The following GOT1L1 variants were observed in gnomAD, a reference collection of about 807,000 sequenced individuals.
GOT1L1 encodes aspartate aminotransferase, cytoplasmic 2.
GOT1L1 carries 38 observed loss-of-function variants against 43.6 expected under a neutral mutation model. The ratio of observed to expected loss-of-function variants is 0.87; its 90% confidence interval spans 0.67 to 1.14. GOT1L1 has a LOEUF of 1.14. GOT1L1 is among the 50% of genes most tolerant of loss of function. GOT1L1 has a pLI of 0.00. For missense variants in GOT1L1, 482 were observed against 504.0 expected (o/e 0.96, Z 0.42); for synonymous variants, 183 against 187.2 (o/e 0.98, Z 0.18).
At position 37,939,255 on chromosome 8, in the gene GOT1L1, A is replaced by G. The variant is rs544476100; in HGVS notation, c.116-374T>C. Among the ~76,000 whole-genome samples the G allele has an allele frequency of 1.5e-3, 224 of 151,166 alleles. 1 individual carries two copies. Among genetic ancestry groups the G allele is most frequent in the Middle Eastern group, 6.8e-3 (2 of 292 alleles). Reference sequence around the variant, plus strand: ...CATGATGAAACCCTGTCTCTACAAAAAAATACAAAACAGCCAGACATGGTG... The same window carrying G: ...CATGATGAAACCCTGTCTCTACAAAGAAATACAAAACAGCCAGACATGGTG... On this transcript the variant is annotated intron_variant, in intron 1 of 8. Coordinates refer to ENST00000307599, the MANE Select transcript of GOT1L1 (RefSeq NM_152413.3).
rs561124331 is a variant in GOT1L1, at chr8:37,938,983, G to A, written c.116-102C>T. 4.9e-6 allele frequency: 5 copies of A among 1,026,634 alleles called. No individual in the cohort carries two copies. The South Asian group carries it at 5.5e-5, about 11-fold the overall frequency. 63.6% of individuals were successfully genotyped at this position (1,026,634 alleles called of 1,614,324 possible). On this transcript the variant is annotated intron_variant, in intron 1 of 8. Transcript: ENST00000307599. Reference sequence around the variant, plus strand: ...AACAAATCTCTCCTGGACTCCATGGGGCTGTGGGAAGGTGCCTGTGAAAAT... The same window carrying A: ...AACAAATCTCTCCTGGACTCCATGGAGCTGTGGGAAGGTGCCTGTGAAAAT...
chr8:37,934,380 C>A lies in GOT1L1; in HGVS notation c.1179G>T (p.Glu393Asp). Reference sequence around the variant, plus strand: ...TGAGGAGGACAGCCTCATTGATGCCCTCAGTGATGTAATTTATGTTGTTGG... The same window carrying A: ...TGAGGAGGACAGCCTCATTGATGCCATCAGTGATGTAATTTATGTTGTTGG... The part of the protein sequence containing the change: ...INANNINYIT[E>D]GINEAVLLTE... The change falls in exon 9 of 9, where the codon GAG (glutamate) becomes GAT (aspartate). Residue 393 changes from glutamate to aspartate, a missense_variant. Glu to Asp is a conservative substitution (Grantham distance 45). Coordinates refer to ENST00000307599, the MANE Select transcript of GOT1L1 (RefSeq NM_152413.3). The A allele has an allele frequency of 6.2e-7, 1 of 1,612,970 alleles. No individual in the cohort carries two copies. Among genetic ancestry groups the A allele is most frequent in the Non-Finnish European group, 8.5e-7 (1 of 1,178,990 alleles).
rs761443002 is a variant in GOT1L1, at chr8:37,939,920, T to C, written c.110A>G (p.Tyr37Cys). 1.4e-5 allele frequency: 23 copies of C among 1,612,914 alleles called. No homozygotes were observed. In the East Asian group the frequency reaches 4.0e-4, roughly 28 times the overall value. Residue 37 changes from tyrosine (Y) to cysteine (C), a missense_variant, in exon 1 of 9, where the codon TAT becomes TGT. Physicochemically the swap from Tyr to Cys is radical, Grantham distance 194. Coordinates refer to ENST00000307599, the MANE Select transcript of GOT1L1 (RefSeq NM_152413.3). ...DDYPNKIFLA[Y>C]RVCMTNEGHP... ...CAGAACTGCTAGGCATCTACCTCTA[T>C]AGGCTAAGAATATCTTGTTCGGGTA...
rs776658122 is a variant in GOT1L1 at position 37,938,652 on chromosome 8, C to A, written c.297+48G>T. Reference sequence around the variant, plus strand: ...GGTTTAAGGTTGTGCAGACCCAGATCGCCACTCTCTGTGTCTAAATGAGCC... The same window carrying A: ...GGTTTAAGGTTGTGCAGACCCAGATAGCCACTCTCTGTGTCTAAATGAGCC... On this transcript the variant is annotated intron_variant, in intron 2 of 8. Coordinates refer to ENST00000307599, the MANE Select transcript of GOT1L1 (RefSeq NM_152413.3). The A allele has an allele frequency of 4.7e-6, 7 of 1,492,578 alleles. No individual in the cohort carries two copies. The Admixed American group carries it at 1.3e-4, about 27-fold the overall frequency. 92.5% of individuals were successfully genotyped at this position (1,492,578 alleles called of 1,614,324 possible).
intron 8 of GOT1L1, 21 bp from the exon 9 acceptor site, chr8:37,934,507 C>G: frequency 6.3e-7 from 1 of 1,587,508 alleles, no homozygotes; most frequent in Non-Finnish European, 8.6e-7. Context: ...GACAAGGTCT[C>G]AGATCTCGAG....
At chr8:37,934,547 A>G in intron 8 of GOT1L1, 61 bp from the exon 9 acceptor site, 1 of 1,210,686 alleles carries the variant, frequency 8.3e-7, no homozygotes, top group Non-Finnish European at 1.2e-6. Flanking sequence ...CCTCTAGCCC[A>G]GGCTGGTTTA....
At chr8:37,936,483 G>A (rs1168166233) in intron 6 of GOT1L1, among the ~76,000 whole-genome samples, 1 of 152,028 alleles carries the variant, frequency 6.6e-6, no homozygotes, top group African/African-American at 2.4e-5. Context: ...TCATCTTATA[G>A]TTGAGGAAAC....
intron 8 of GOT1L1, 52 bp from the exon 9 acceptor site, chr8:37,934,538 C>T: frequency 7.7e-7 from 1 of 1,295,736 alleles, no homozygotes; most frequent in Non-Finnish European, 1.1e-6. Context: ...TCGAATTCTC[C>T]TCTAGCCCAG....
At position 37,940,113 on chromosome 8, in the gene GOT1L1, C is replaced by T. The variant is rs1054732379; in HGVS notation, c.-84G>A. On this transcript the variant is annotated 5_prime_UTR_variant, in exon 1 of 9. Coordinates refer to ENST00000307599, the MANE Select transcript of GOT1L1 (RefSeq NM_152413.3). ...CCAGAAGTCTTCCTCCAAGGCTGGG[C>T]CGGGCAGTCCTGCCTCTTCCTGGAA... is the stretch of plus-strand genomic sequence containing the variant. The T allele has an allele frequency of 1.3e-6, 2 of 1,490,544 alleles. No individual in the cohort carries two copies. Among genetic ancestry groups the T allele is most frequent in the Non-Finnish European group, 1.8e-6 (2 of 1,113,410 alleles). The allele number at this position is 1,490,544 out of a possible 1,614,324, so 92.3% of individuals were successfully genotyped here.
At position 37,939,556 on chromosome 8, in the gene GOT1L1, A is replaced by AGGCTC. The variant is rs1364408051; in HGVS notation, c.115+358_115+359insGAGCC. 3.3e-5 allele frequency among the ~76,000 whole-genome samples: 5 copies of AGGCTC among 149,636 alleles called. 1 individual carries two copies. The highest frequency in any genetic ancestry group is 1.2e-4 in the African/African-American group (5 of 40,690). Reference sequence around the variant, plus strand: ...TGGTGAGCCCCAGTTGCATAGCAGAAAGCTCAATCTGGAGAACCATTCTTG... The same window carrying AGGCTC: ...TGGTGAGCCCCAGTTGCATAGCAGAAGGCTCAGCTCAATCTGGAGAACCATTCTTG... On this transcript the variant is annotated intron_variant, in intron 1 of 8. Transcript: ENST00000307599.
Position 37,940,063 on chromosome 8 carries a change from C to A in GOT1L1, c.-34G>T. 6.3e-7 allele frequency: 1 copy of A among 1,594,470 alleles called. No homozygotes were observed. Among genetic ancestry groups the A allele is most frequent in the South Asian group, 1.1e-5 (1 of 88,234 alleles). On this transcript the variant is annotated 5_prime_UTR_variant, in exon 1 of 9. Coordinates refer to ENST00000307599, the MANE Select transcript of GOT1L1 (RefSeq NM_152413.3). ...CGAAACTGGAGCCAAGACTATGTGT[C>A]TCTGCTCCTGTGTTCCGCTTCTGCC...
At chr8:37,938,122 A>G (rs1432389488) in intron 2 of GOT1L1, among the ~76,000 whole-genome samples, 2 of 152,050 alleles carry the variant, frequency 1.3e-5, no homozygotes, top group African/African-American at 4.8e-5. Flanking sequence ...TGGAGGCGAG[A>G]CGCAGTAGCT....
chr8:37,935,223 G>A lies in GOT1L1; in HGVS notation c.930-8C>T. ...TCTTTTAGACTCTGCTTCCTACCAAGGAAGGACAATGAGAAAGGAGGGTGT... is the reference window on the plus strand; with the variant it reads ...TCTTTTAGACTCTGCTTCCTACCAAAGAAGGACAATGAGAAAGGAGGGTGT... On this transcript the variant is annotated splice_polypyrimidine_tract_variant and splice_region_variant and intron_variant, in intron 7 of 8. Coordinates refer to ENST00000307599, the MANE Select transcript of GOT1L1 (RefSeq NM_152413.3). The A allele has an allele frequency of 1.3e-6, 2 of 1,583,036 alleles. No individual in the cohort carries two copies. Among genetic ancestry groups the A allele is most frequent in the Non-Finnish European group, 1.7e-6 (2 of 1,163,872 alleles).
In GOT1L1 at chr8:37,937,300, CG is replaced by C. The variant is rs1198912969; in HGVS notation, c.495del (p.Asp166ThrfsTer17). 1.1e-5 allele frequency: 17 copies of C among 1,606,074 alleles called. No individual in the cohort carries two copies. The Admixed American group carries it at 2.9e-4, about 27-fold the overall frequency. ...VWDPKKLCMDPDILLNVVEQI... is the reference protein window; with the variant it reads ...VWDPKKLCMDXDILLNVVEQI... ...ACCTCCACCACATTGAGGAGTATGT[CG>C]GGGTCCATGCATAGCTTCTTGGGGT... On this transcript the variant is annotated frameshift_variant, in exon 4 of 9. Transcript: ENST00000307599. LOFTEE classifies it high-confidence loss of function.
intron 7 of GOT1L1, 41 bp from the exon 8 acceptor site, chr8:37,935,256 C>T (rs1338597697): frequency 1.3e-6 from 2 of 1,538,154 alleles, no homozygotes; most frequent in East Asian, 2.4e-5. Context: ...TGTGAGGTCC[C>T]CCTTGCCCTC....
At chr8:37,937,141 A>G in intron 4 of GOT1L1, 84 bp from the exon 5 acceptor site, 1 of 1,382,686 alleles carries the variant, frequency 7.2e-7, no homozygotes. Flanking sequence ...GTGCTCCTCC[A>G]TGTTAGTTAC....
Position 37,935,338 on chromosome 8 carries a change from T to A in GOT1L1, c.930-123A>T, listed in dbSNP as rs982921492. The A allele has an allele frequency of 3.9e-5, 38 of 969,338 alleles. No homozygotes were observed. In the African/African-American group the frequency reaches 5.7e-4, roughly 14 times the overall value. 60.0% of individuals were successfully genotyped at this position (969,338 alleles called of 1,614,324 possible). A position where few individuals can be genotyped will look rare whatever the true frequency, so the allele number is the denominator to read the frequency against. On this transcript the variant is annotated intron_variant, in intron 7 of 8. Transcript: ENST00000307599. ...CAACAGAGTGCCAGAGGCTCTGGGA[T>A]GATTATGAGTGGGAGGGAGGTTTGA...
chr8:37,937,094 A>C (rs779932899), intron 4 of GOT1L1, 37 bp from the exon 5 acceptor site: 5 of 1,591,948 alleles, frequency 3.1e-6, no homozygotes, highest in Non-Finnish European at 2.6e-6. Flanking sequence ...CTTCACCCCC[A>C]CCCAGGAGTG....
rs1563386424 is a variant in GOT1L1, at chr8:37,934,479, C to T, written c.1080G>A (p.Gln360=). 1.2e-6 allele frequency: 2 copies of T among 1,612,090 alleles called. No homozygotes were observed. Among genetic ancestry groups the T allele is most frequent in the Admixed American group, 3.3e-5 (2 of 59,972 alleles). Residue 360 remains glutamine, a synonymous_variant, in exon 9 of 9, where the codon CAG becomes CAA. Transcript: ENST00000307599. ...THGYLGLNSQ[Q]VEYLVRKKHI... ...GCTTCTTCCTGACCAGGTATTCCACCTGCTGGGCTAAAATCATGACAAGGT... is the reference window on the plus strand; with the variant it reads ...GCTTCTTCCTGACCAGGTATTCCACTTGCTGGGCTAAAATCATGACAAGGT...
Sources: gnomAD v4.1 joint callset for allele counts (sites outside exome capture counted in the v4.1 genomes callset) on GRCh38, gnomAD v4.1.1 for gene constraint, MANE v1.5 for transcripts, NCBI Gene and HGNC (gene_info 2026-07-23, HGNC 2026-07-21) for gene names.